The following GPC5 variants were observed in gnomAD, a reference collection of about 807,000 sequenced individuals.
GPC5 encodes the protein glypican 5, also known as glypican-5.
In GPC5, 47 loss-of-function variants were observed where a neutral mutation model predicts 53.9. The observed-to-expected ratio is 0.87, with a 90% CI of 0.69 to 1.11. GPC5 has a LOEUF of 1.11. Among genes scored for constraint, GPC5 ranks in the 50% most tolerant of loss-of-function variants. The pLI is 0.00. For synonymous variants in GPC5, 286 were observed against 263.3 expected (o/e 1.09, Z -0.84); for missense variants, 748 against 713.1 (o/e 1.05, Z -0.56).
chr13:92,843,211 C>A (rs1878490563), intron 7 of GPC5, among the ~76,000 whole-genome samples: 1 of 152,056 alleles, frequency 6.6e-6, no homozygotes. Flanking sequence ...TCTTAACCAC[C>A]CCAATTTGTA....
chr13:91,820,986 TA>T (rs71272299), intron 5 of GPC5, among the ~76,000 whole-genome samples: 22,106 of 142,230 alleles, frequency 0.16, 1,822 homozygotes, highest in African/African-American at 0.23. Flanking sequence ...ACAAATAAAA[TA>T]AAAAAAAAAA....
At chr13:92,378,492 A>G (rs1156905066) in intron 7 of GPC5, among the ~76,000 whole-genome samples, 1 of 152,172 alleles carries the variant, frequency 6.6e-6, no homozygotes. Flanking sequence ...GAGGTTATAA[A>G]TTGGATATGT....
intron 5 of GPC5, among the ~76,000 whole-genome samples, chr13:91,834,207 C>A (rs1271080579): frequency 6.6e-6 from 1 of 152,006 alleles, no homozygotes; most frequent in African/African-American, 2.4e-5. Flanking sequence ...AGGAACTCTT[C>A]AAGGAGAATT....
At chr13:92,823,276 T>C (rs1211044130) in intron 7 of GPC5, among the ~76,000 whole-genome samples, 1 of 152,168 alleles carries the variant, frequency 6.6e-6, no homozygotes. Flanking sequence ...GCATTCTTTC[T>C]AAATGTCAGT....
At chr13:91,592,003 GGGATACTT>G (rs2032817798) in intron 2 of GPC5, among the ~76,000 whole-genome samples, 1 of 152,272 alleles carries the variant, frequency 6.6e-6, no homozygotes, top group South Asian at 2.1e-4. Context: ...TGGAGGTAAA[GGGATACTT>G]GCTTTTTAAA....
chr13:91,621,426 CT>C (rs528464755), intron 2 of GPC5, among the ~76,000 whole-genome samples: 44 of 152,064 alleles, frequency 2.9e-4, no homozygotes, highest in African/African-American at 9.6e-4. Flanking sequence ...GCTCATCCTC[CT>C]TTGTTTCGGT....
At chr13:92,381,432 A>G (rs2043738086) in intron 7 of GPC5, among the ~76,000 whole-genome samples, 1 of 152,172 alleles carries the variant, frequency 6.6e-6, no homozygotes, top group East Asian at 1.9e-4. Context: ...GAAAAATGCA[A>G]ATCAAAACCA....
intron 5 of GPC5, among the ~76,000 whole-genome samples, chr13:91,830,569 G>A (rs1162182897): frequency 6.6e-6 from 1 of 151,638 alleles, no homozygotes; most frequent in East Asian, 1.9e-4. Flanking sequence ...GTAAAGACAG[G>A]CATAGGAAAT....
chr13:92,603,758 G>C (rs999766440), intron 7 of GPC5, among the ~76,000 whole-genome samples: 1 of 152,146 alleles, frequency 6.6e-6, no homozygotes, highest in Admixed American at 6.5e-5. Context: ...TTTGCCTTAC[G>C]AAGTCATTCC....
intron 7 of GPC5, among the ~76,000 whole-genome samples, chr13:92,741,462 T>C (rs940535161): frequency 3.3e-5 from 5 of 151,998 alleles, no homozygotes; most frequent in South Asian, 2.1e-4. Flanking sequence ...TCAGCCTTCA[T>C]AACTATAAGA....
intron 6 of GPC5, among the ~76,000 whole-genome samples, chr13:92,115,866 A>C (rs1278641889): frequency 6.6e-6 from 1 of 151,184 alleles, no homozygotes; most frequent in Non-Finnish European, 1.5e-5. Flanking sequence ...TCATAATGTT[A>C]CTATATTTGG....
intron 7 of GPC5, among the ~76,000 whole-genome samples, chr13:92,511,231 T>C (rs1460545502): frequency 6.6e-6 from 1 of 152,218 alleles, no homozygotes; most frequent in African/African-American, 2.4e-5. Flanking sequence ...ATTTTTAGAA[T>C]AGATTTCTAT....
intron 2 of GPC5, among the ~76,000 whole-genome samples, chr13:91,626,656 T>C (rs1361646038): frequency 6.6e-6 from 1 of 151,906 alleles, no homozygotes; most frequent in Non-Finnish European, 1.5e-5. Context: ...TTTTATTTTA[T>C]TTTTTTATTT....
In GPC5 at chr13:92,152,738, CAA is replaced by C. The variant is rs11285676; in HGVS notation, c.1561+7767_1561+7768del. Among the ~76,000 whole-genome samples the C allele has an allele frequency of 8.9e-3, 948 of 107,012 alleles. 7 individuals are homozygous for C. The highest frequency in any genetic ancestry group is 0.027 in the African/African-American group (784 of 29,334). The allele number at this position is 107,012 out of a possible 152,430, so 70.2% of individuals were successfully genotyped here. On this transcript the variant is annotated intron_variant, in intron 7 of 7. Coordinates refer to ENST00000377067, the MANE Select transcript of GPC5 (RefSeq NM_004466.6). ...TGGGCGACAGAGTGAGACTCCATCT[CAA>C]AAAAAAAAAAAAAAAAATTGGGCAA...
intron 6 of GPC5, among the ~76,000 whole-genome samples, chr13:91,937,564 C>CAT (rs1389871024): frequency 6.6e-6 from 1 of 152,004 alleles, no homozygotes; most frequent in African/African-American, 2.4e-5. Context: ...ATGAAGCTTG[C>CAT]AGATACTGTT....
chr13:91,751,758 CT>C (rs1187375988), intron 4 of GPC5, among the ~76,000 whole-genome samples: 3 of 152,182 alleles, frequency 2.0e-5, no homozygotes, highest in African/African-American at 7.2e-5. Flanking sequence ...ATATTTTCAA[CT>C]GTCTTCCACA....
intron 7 of GPC5, among the ~76,000 whole-genome samples, chr13:92,744,852 C>G (rs926206442): frequency 1.3e-5 from 2 of 151,818 alleles, no homozygotes; most frequent in African/African-American, 4.8e-5. Flanking sequence ...TAAAAGATGG[C>G]CAGATGGATA....
intron 5 of GPC5, among the ~76,000 whole-genome samples, chr13:91,806,457 C>A (rs1275499692): frequency 6.7e-6 from 1 of 149,344 alleles, no homozygotes; most frequent in East Asian, 1.9e-4. Flanking sequence ...TTTACTTTAA[C>A]GCAATAAAAA....
intron 7 of GPC5, chr13:92,242,024 G>C (rs1473798602): frequency 6.6e-6 from 1 of 152,472 alleles, no homozygotes; most frequent in Non-Finnish European, 1.5e-5. Flanking sequence ...CCTGAGGTCA[G>C]GAGTTCGAGA....
Sources: allele counts gnomAD v4.1 joint callset (sites outside exome capture counted in the v4.1 genomes callset), GRCh38; gene constraint gnomAD v4.1.1; transcripts MANE v1.5; gene names NCBI Gene and HGNC (gene_info 2026-07-23, HGNC 2026-07-21).